TASP1: variants seen among roughly 807,000 people sequenced by gnomAD.
The protein encoded by TASP1 is taspase 1.
Under a neutral mutation model 56.6 loss-of-function variants are expected in TASP1, and 16 were observed. The ratio of observed to expected loss-of-function variants is 0.28; its 90% CI spans 0.19 to 0.43. TASP1 has a LOEUF of 0.43. Ranked by LOEUF, TASP1 falls within the 20% of genes least tolerant of loss-of-function variation. TASP1 has a pLI of 1.00. For missense variants in TASP1, 393 were observed against 511.6 expected (o/e 0.77, Z 2.24); for synonymous variants, 179 against 184.2 (o/e 0.97, Z 0.23).
intron 10 of TASP1, among the ~76,000 whole-genome samples, chr20:13,499,773 T>C (rs1407952142): frequency 6.6e-6 from 1 of 152,044 alleles, no homozygotes; most frequent in Non-Finnish European, 1.5e-5. Context: ...GTAGTATATA[T>C]AAACCATGGA....
At chr20:13,330,743 T>C in the TASP1 span, among the ~76,000 whole-genome samples, 2,509 of 152,290 alleles carry the variant, frequency 0.016, 75 homozygotes, top group African/African-American at 0.056. Context: ...GTTTAGATAG[T>C]TTGTGGCTTT....
the TASP1 span, among the ~76,000 whole-genome samples, chr20:13,350,082 G>T: frequency 5.3e-5 from 8 of 152,178 alleles, no homozygotes; most frequent in Non-Finnish European, 1.2e-4. Context: ...GCAGTGAGCC[G>T]TAATGGTGCC....
intron 13 of TASP1, among the ~76,000 whole-genome samples, chr20:13,402,253 G>A (rs1038824762): frequency 1.3e-5 from 2 of 152,150 alleles, no homozygotes; most frequent in African/African-American, 4.8e-5. Context: ...AATGATGTAA[G>A]ACTAATTAGG....
At chr20:13,432,432 C>T (rs1374159038) in intron 12 of TASP1, among the ~76,000 whole-genome samples, 2 of 152,140 alleles carry the variant, frequency 1.3e-5, no homozygotes, top group Non-Finnish European at 2.9e-5. Flanking sequence ...TCTTTGATTC[C>T]TGTCCTTCTA....
chr20:13,258,501 C>T, the TASP1 span, among the ~76,000 whole-genome samples: 3 of 152,280 alleles, frequency 2.0e-5, no homozygotes, highest in South Asian at 6.2e-4. Flanking sequence ...GCCATTCATT[C>T]CCTGCTCAGA....
the TASP1 span, among the ~76,000 whole-genome samples, chr20:13,341,767 G>A: frequency 6.6e-6 from 1 of 152,176 alleles, no homozygotes; most frequent in Non-Finnish European, 1.5e-5. Context: ...TCTCATCTGA[G>A]CTGGCTTGGC....
intron 10 of TASP1, among the ~76,000 whole-genome samples, chr20:13,507,388 C>A (rs953223978): frequency 1.3e-5 from 2 of 151,896 alleles, no homozygotes; most frequent in African/African-American, 4.8e-5. Flanking sequence ...AAAATAATAT[C>A]CGGGCATGGT....
chr20:13,193,118 T>G, the TASP1 span, among the ~76,000 whole-genome samples: 1 of 152,024 alleles, frequency 6.6e-6, no homozygotes, highest in Non-Finnish European at 1.5e-5. Flanking sequence ...ATATGCTAAG[T>G]GGGGAGATAA....
intron 1 of TASP1, among the ~76,000 whole-genome samples, chr20:13,636,312 A>ATT (rs1173047379): frequency 2.9e-4 from 39 of 132,810 alleles, no homozygotes; most frequent in Admixed American, 9.2e-4. Context: ...TGCCGGGCTA[A>ATT]TTTTTTTTTT....
At chr20:13,274,316 C>T in the TASP1 span, among the ~76,000 whole-genome samples, 2 of 152,182 alleles carry the variant, frequency 1.3e-5, no homozygotes, top group Admixed American at 1.3e-4. Context: ...CAGCAGACAG[C>T]CCTGCTGGTC....
the TASP1 span, chr20:13,237,672 A>C: frequency 6.6e-6 from 1 of 152,144 alleles, no homozygotes; most frequent in Non-Finnish European, 1.5e-5. Context: ...TGAGTTGTAG[A>C]GTTATATATG....
At chr20:13,494,618 T>C (rs376260342) in intron 10 of TASP1, among the ~76,000 whole-genome samples, 1 of 152,230 alleles carries the variant, frequency 6.6e-6, no homozygotes, top group African/African-American at 2.4e-5. Context: ...TTGGAAGAAC[T>C]AAGATTCTAA....
intron 11 of TASP1, among the ~76,000 whole-genome samples, chr20:13,466,719 C>T (rs1027936282): frequency 3.3e-5 from 5 of 152,086 alleles, no homozygotes; most frequent in South Asian, 2.1e-4. Context: ...CCAGCCTGGG[C>T]GACAAAGCAA....
the TASP1 span, among the ~76,000 whole-genome samples, chr20:13,305,218 AAC>A: frequency 1.2e-4 from 17 of 140,328 alleles, no homozygotes; most frequent in African/African-American, 7.7e-5. Context: ...AAAAAAAAAA[AAC>A]CCTTAATTTT....
At chr20:13,160,622 C>T in the TASP1 span, among the ~76,000 whole-genome samples, 1 of 152,196 alleles carries the variant, frequency 6.6e-6, no homozygotes, top group Non-Finnish European at 1.5e-5. Flanking sequence ...CCTCGATTTC[C>T]ATTGTTATGT....
the TASP1 span, among the ~76,000 whole-genome samples, chr20:13,245,018 A>G: frequency 6.6e-6 from 1 of 152,238 alleles, no homozygotes; most frequent in East Asian, 1.9e-4. Context: ...AGTCTAGAAG[A>G]AAGAACATGC....
the TASP1 span, among the ~76,000 whole-genome samples, chr20:13,199,449 A>T: frequency 6.6e-6 from 1 of 151,968 alleles, no homozygotes; most frequent in East Asian, 1.9e-4. Context: ...CTACTACCCA[A>T]CAGTGAGTGA....
At chr20:13,228,278 C>G in the TASP1 span, among the ~76,000 whole-genome samples, 2 of 152,078 alleles carry the variant, frequency 1.3e-5, no homozygotes, top group Non-Finnish European at 2.9e-5. Context: ...TGGCCTGCTG[C>G]TGCTGCTTCA....
intron 4 of TASP1, among the ~76,000 whole-genome samples, chr20:13,619,159 A>T (rs368009209): frequency 5.2e-4 from 79 of 152,214 alleles, no homozygotes; most frequent in African/African-American, 1.8e-3. Context: ...CGGCCTCCCA[A>T]AGTGCTGGGA....
Sources: allele counts gnomAD v4.1 joint callset (sites outside exome capture counted in the v4.1 genomes callset), GRCh38; gene constraint gnomAD v4.1.1; transcripts MANE v1.5; gene names NCBI Gene and HGNC (gene_info 2026-07-23, HGNC 2026-07-21).